The following RICTOR variants were observed in gnomAD, a reference collection of about 807,000 sequenced individuals.
RICTOR encodes rapamycin-insensitive companion of mTOR.
Under a neutral mutation model 214.9 loss-of-function variants are expected in RICTOR, and 49 were observed. The observed-to-expected ratio is 0.23, with a 90% CI of 0.18 to 0.29. The LOEUF (loss-of-function observed/expected upper bound fraction) is 0.29, where lower values mean the gene tolerates loss of function less well. Among genes scored for constraint, RICTOR ranks in the 10% least tolerant of loss-of-function variants. RICTOR has a pLI of 1.00. For missense variants in RICTOR, 1,625 were observed against 2,047.0 expected (o/e 0.79, Z 3.98); for synonymous variants, 717 against 711.3 (o/e 1.01, Z -0.13).
intron 2 of RICTOR, among the ~76,000 whole-genome samples, chr5:39,058,559 G>C (rs1758338262): frequency 6.6e-6 from 1 of 152,042 alleles, no homozygotes; most frequent in African/African-American, 2.4e-5. Context: ...TTAAAATAGA[G>C]AATCAGAAAA....
chr5:38,988,535 A>C (rs983168129), intron 7 of RICTOR, among the ~76,000 whole-genome samples: 1 of 151,988 alleles, frequency 6.6e-6, no homozygotes, highest in Non-Finnish European at 1.5e-5. Flanking sequence ...TTTGCTTTCC[A>C]CTTGCTTGGT....
chr5:39,017,340 T>G (rs1755037286), intron 3 of RICTOR, among the ~76,000 whole-genome samples: 1 of 152,066 alleles, frequency 6.6e-6, no homozygotes, highest in African/African-American at 2.4e-5. Flanking sequence ...ACTATAAAAT[T>G]TAATAAAAGA....
At position 38,941,732 on chromosome 5, in the gene RICTOR, T is replaced by G. The variant is rs959715345; in HGVS notation, c.*572A>C. 4.3e-6 allele frequency: 1 copy of G among 232,212 alleles called. No homozygotes were observed. Among genetic ancestry groups the G allele is most frequent in the Non-Finnish European group, 8.5e-6 (1 of 117,240 alleles). The allele number at this position is 232,212 out of a possible 1,614,324, so 14.4% of individuals were successfully genotyped here. A position where few individuals can be genotyped will look rare whatever the true frequency, so the allele number is the denominator to read the frequency against. On this transcript the variant is annotated 3_prime_UTR_variant, in exon 38 of 38. Coordinates refer to ENST00000357387, the MANE Select transcript of RICTOR (RefSeq NM_152756.5). ...TCCCGGGTTGTTGAGGCTCTTCTTC[T>G]GCTTTGAGGTTATAAACCTCTGAAG...
chr5:38,962,475 CT>C lies in RICTOR; in HGVS notation c.1668+9del. 1.4e-6 allele frequency: 2 copies of C among 1,399,768 alleles called. No homozygotes were observed. Among genetic ancestry groups the C allele is most frequent in the Non-Finnish European group, 2.0e-6 (2 of 1,008,970 alleles). 86.7% of individuals were successfully genotyped at this position (1,399,768 alleles called of 1,614,324 possible). On this transcript the variant is annotated intron_variant, in intron 18 of 37. Coordinates refer to ENST00000357387, the MANE Select transcript of RICTOR (RefSeq NM_152756.5). ...AAGACAAGCCATTACCATGAAGTAT[CT>C]TTTCATACCTTAAGAATGGTCCCTA... is the stretch of plus-strand genomic sequence containing the variant.
chr5:39,002,613 C>T lies in RICTOR; in HGVS notation c.314G>A (p.Arg105Gln), dbSNP rs2150105720. The change falls in exon 5 of 38, where the codon CGA becomes CAA. Residue 105 changes from arginine to glutamine, a missense_variant. Arg to Gln is a conservative substitution (Grantham distance 43, BLOSUM62 1). Coordinates refer to ENST00000357387, the MANE Select transcript of RICTOR (RefSeq NM_152756.5). ...GTCTTGGATGAGATATCGAAGCGCT[C>T]GTAGCCCTGCTGCTCGCACTTCTTT... ...EAKEVRAAGL[R>Q]ALRYLIQDSS... 6.2e-7 allele frequency: 1 copy of T among 1,610,804 alleles called. No homozygotes were observed. The highest frequency in any genetic ancestry group is 8.5e-7 in the Non-Finnish European group (1 of 1,178,260).
chr5:39,045,419 T>C (rs1185442713), intron 2 of RICTOR, among the ~76,000 whole-genome samples: 1 of 152,090 alleles, frequency 6.6e-6, no homozygotes, highest in African/African-American at 2.4e-5. Flanking sequence ...TAAAAGCAAT[T>C]ATTAAACATT....
intron 12 of RICTOR, 134 bp from the exon 13 acceptor site, chr5:38,967,561 T>C (rs532452408): frequency 1.5e-6 from 1 of 647,696 alleles, no homozygotes; most frequent in African/African-American, 1.8e-5. Context: ...TTCAAAAAGA[T>C]ACAGACAAAA....
intron 2 of RICTOR, among the ~76,000 whole-genome samples, chr5:39,031,614 T>A (rs1401090723): frequency 6.6e-6 from 1 of 152,176 alleles, no homozygotes; most frequent in African/African-American, 2.4e-5. Flanking sequence ...TTTATCATTT[T>A]ATCTACCTTC....
intron 23 of RICTOR, 50 bp from the exon 24 acceptor site, chr5:38,958,569 T>G: frequency 1.3e-6 from 2 of 1,547,388 alleles, no homozygotes; most frequent in Non-Finnish European, 1.8e-6. Context: ...AATAGCAAAA[T>G]TTTTAGTTCC....
At chr5:38,990,652 T>A (rs1310624109) in intron 7 of RICTOR, among the ~76,000 whole-genome samples, 3 of 143,622 alleles carry the variant, frequency 2.1e-5, no homozygotes, top group African/African-American at 7.7e-5. Flanking sequence ...ATATCAGATA[T>A]ATGATATATA....
chr5:39,004,776 CT>C (rs70982534), intron 3 of RICTOR, among the ~76,000 whole-genome samples: 15,532 of 105,630 alleles, frequency 0.15, 700 homozygotes, highest in Non-Finnish European at 0.2. Context: ...CTCTCAGACT[CT>C]TTTTTTTTTT....
chr5:39,039,016 C>A (rs1474021852), intron 2 of RICTOR, among the ~76,000 whole-genome samples: 1 of 152,166 alleles, frequency 6.6e-6, no homozygotes, highest in Non-Finnish European at 1.5e-5. Context: ...CAGGTCAACC[C>A]TAAGCCAAAA....
chr5:39,054,332 G>A (rs6883671), intron 2 of RICTOR, among the ~76,000 whole-genome samples: 24,321 of 152,130 alleles, frequency 0.16, 2,089 homozygotes, highest in Middle Eastern at 0.22. Context: ...GTGCTGGATA[G>A]GTGGGACGAC....
intron 2 of RICTOR, among the ~76,000 whole-genome samples, chr5:39,033,785 A>G (rs1237658078): frequency 3.3e-5 from 5 of 152,292 alleles, no homozygotes; most frequent in African/African-American, 1.2e-4. Context: ...CCTCAGCAAC[A>G]TGCAACTTAA....
intron 2 of RICTOR, among the ~76,000 whole-genome samples, chr5:39,050,161 CTTT>C (rs1180047670): frequency 1.3e-5 from 2 of 150,476 alleles, no homozygotes; most frequent in Non-Finnish European, 3.0e-5. Flanking sequence ...GAACAACTTG[CTTT>C]TTTACATATA....
chr5:39,065,076 CA>C (rs1184159028), intron 2 of RICTOR, among the ~76,000 whole-genome samples: 1 of 152,136 alleles, frequency 6.6e-6, no homozygotes, highest in African/African-American at 2.4e-5. Flanking sequence ...TGCATTGTTA[CA>C]AAGAAACACC....
intron 2 of RICTOR, among the ~76,000 whole-genome samples, chr5:39,027,341 T>C (rs990521429): frequency 1.3e-5 from 2 of 152,176 alleles, no homozygotes; most frequent in African/African-American, 2.4e-5. Context: ...TCTTGGACTA[T>C]ATTTTACTTC....
chr5:38,960,335 G>A, intron 20 of RICTOR, 63 bp downstream of exon 20: 1 of 1,487,082 alleles, frequency 6.7e-7, no homozygotes, highest in Non-Finnish European at 9.3e-7. Flanking sequence ...GGAAACAGAG[G>A]GAGGGTAAGG....
chr5:39,066,720 A>G (rs565091196), intron 2 of RICTOR, among the ~76,000 whole-genome samples: 3 of 152,202 alleles, frequency 2.0e-5, no homozygotes, highest in Non-Finnish European at 4.4e-5. Context: ...CTGCTTAGAC[A>G]TTTCTTCCGC....
Sources: gnomAD v4.1 joint callset for allele counts (sites outside exome capture counted in the v4.1 genomes callset) on GRCh38, gnomAD v4.1.1 for gene constraint, MANE v1.5 for transcripts, NCBI Gene and HGNC (gene_info 2026-07-23, HGNC 2026-07-21) for gene names.